The following WDR5 variants were observed in gnomAD, a reference collection of about 807,000 sequenced individuals.
WDR5 encodes the protein WD repeat-containing protein 5.
For missense variants in WDR5, 187 were observed against 416.9 expected (o/e 0.45, Z 4.80); for synonymous variants, 144 against 161.6 (o/e 0.89, Z 0.83).
At chr9:134,146,017 T>G (rs1832180770) in intron 7 of WDR5, among the ~76,000 whole-genome samples, 1 of 151,470 alleles carries the variant, frequency 6.6e-6, no homozygotes, top group Non-Finnish European at 1.5e-5. Context: ...CAGGCTGGAG[T>G]GCAGTGGTGT....
intron 10 of WDR5, 75 bp downstream of exon 10, chr9:134,154,616 C>T (rs1028069003): frequency 9.9e-6 from 15 of 1,518,594 alleles, no homozygotes; most frequent in African/African-American, 1.4e-5. Context: ...CAGCGTGAGC[C>T]TTTGGAGAGC....
At chr9:134,141,906 A>G (rs751022519) in intron 4 of WDR5, 43 bp from the exon 5 acceptor site, 8 of 1,584,878 alleles carry the variant, frequency 5.0e-6, no homozygotes, top group East Asian at 2.2e-5. Context: ...CGATGGTCCT[A>G]TTTTGTCCTG....
intron 7 of WDR5, among the ~76,000 whole-genome samples, chr9:134,143,052 G>A (rs955538993): frequency 1.3e-5 from 2 of 151,882 alleles, no homozygotes; most frequent in Non-Finnish European, 2.9e-5. Flanking sequence ...CAGGAAGGGC[G>A]GCCAGGCTGG....
intron 7 of WDR5, among the ~76,000 whole-genome samples, chr9:134,143,409 C>T (rs897588227): frequency 5.3e-5 from 8 of 152,262 alleles, no homozygotes; most frequent in East Asian, 1.9e-4. Context: ...GACGTGGTGG[C>T]GCGTGCCTGG....
chr9:134,150,651 C>T (rs1832442348), intron 8 of WDR5, among the ~76,000 whole-genome samples: 2 of 152,180 alleles, frequency 1.3e-5, no homozygotes, highest in Admixed American at 6.6e-5. Context: ...TTAAAAGCCA[C>T]CAACACTGCT....
At chr9:134,151,908 T>A in intron 8 of WDR5, 75 bp from the exon 9 acceptor site, 2 of 1,489,328 alleles carry the variant, frequency 1.3e-6, no homozygotes, top group Non-Finnish European at 9.2e-7. Flanking sequence ...TCCTAAAATT[T>A]ATATCTGACT....
chr9:134,140,740 C>G lies in WDR5; in HGVS notation c.119C>G (p.Thr40Ser), dbSNP rs1831841899. Residue 40 changes from threonine to serine, a missense_variant, in exon 3 of 14, where the codon ACC becomes AGC. Thr to Ser is a moderately conservative substitution (Grantham distance 58). Transcript: ENST00000358625. Reference protein sequence around the residue: ...PVKPNYALKFTLAGHTKAVSS... With the variant: ...PVKPNYALKFSLAGHTKAVSS... ...AAGCCAAACTATGCTCTAAAGTTCACCCTTGCTGGCCACACCAAAGCAGTG... is the reference window on the plus strand; with the variant it reads ...AAGCCAAACTATGCTCTAAAGTTCAGCCTTGCTGGCCACACCAAAGCAGTG... 2 of 1,614,212 alleles carry G rather than the reference C, an allele frequency of 1.2e-6. No individual in the cohort carries two copies. The highest frequency in any genetic ancestry group is 1.7e-6 in the Non-Finnish European group (2 of 1,180,036).
rs1186616581 is a variant in WDR5 at position 134,158,070 on chromosome 9, GT to G, written c.*78del. ...CAAGAAACAGGGTGTCTTGGAGGTG[GT>G]CCCCCAGATCTGCGCCTGGGGGTCA... On this transcript the variant is annotated 3_prime_UTR_variant, in exon 14 of 14. Transcript: ENST00000358625. The G allele has an allele frequency of 6.5e-6, 9 of 1,376,576 alleles. No individual in the cohort carries two copies. The African/African-American group carries it at 1.1e-4, about 17-fold the overall frequency. 85.3% of individuals were successfully genotyped at this position (1,376,576 alleles called of 1,614,324 possible).
rs1001941169 is a variant in WDR5, at chr9:134,136,131, C to T, written c.-128C>T. On this transcript the variant is annotated 5_prime_UTR_variant, in exon 1 of 14. Transcript: ENST00000358625. The stretch of plus-strand genomic sequence containing the variant: ...GAGCTGCCGCCTTGTCGAGCTGAGT[C>T]CGCGCTCCCGCCCAGGCGGCGGCCG... 6.8e-6 allele frequency: 1 copy of T among 147,906 alleles called. No homozygotes were observed. The highest frequency in any genetic ancestry group is 1.5e-5 in the Non-Finnish European group (1 of 66,652). 9.2% of individuals were successfully genotyped at this position (147,906 alleles called of 1,614,324 possible).
At chr9:134,141,434 A>C (rs1414041339) in intron 3 of WDR5, 76 bp from the exon 4 acceptor site, 48 of 1,470,318 alleles carry the variant, frequency 3.3e-5, no homozygotes, top group Non-Finnish European at 4.5e-5. Context: ...ATGTGGGAAA[A>C]GCTCAGACTT....
At chr9:134,141,438 C>T in intron 3 of WDR5, 72 bp from the exon 4 acceptor site, 3 of 1,515,730 alleles carry the variant, frequency 2.0e-6, no homozygotes, top group Non-Finnish European at 2.7e-6. Context: ...GGGAAAAGCT[C>T]AGACTTTGGA....
At chr9:134,153,950 G>A (rs895669385) in intron 9 of WDR5, among the ~76,000 whole-genome samples, 1 of 152,334 alleles carries the variant, frequency 6.6e-6, no homozygotes, top group Non-Finnish European at 1.5e-5. Flanking sequence ...GAGAAGCAGC[G>A]GCTCTGCTCT....
Position 134,136,413 on chromosome 9 carries a change from C to CCGCCCCCACTCG in WDR5, c.-59+223_-59+234dup, listed in dbSNP as rs906663084. ...GCGCGCGCAGTTCCCTCCACCCGGT[C>CCGCCCCCACTCG]CGCCCCCACTCGCGCCCCCACCTCC... On this transcript the variant is annotated intron_variant, in intron 1 of 13. Transcript: ENST00000358625. Among the ~76,000 whole-genome samples the CCGCCCCCACTCG allele has an allele frequency of 1.3e-4, 19 of 151,812 alleles. No homozygotes were observed. In the East Asian group the frequency reaches 2.5e-3, roughly 20 times the overall value.
chr9:134,154,321 C>A, intron 9 of WDR5, 145 bp from the exon 10 acceptor site: 1 of 821,062 alleles, frequency 1.2e-6, no homozygotes, highest in South Asian at 1.5e-5. Context: ...CCCTTCGGGG[C>A]GGCGAGGGGT....
At chr9:134,142,559 G>T (rs1831947933) in intron 6 of WDR5, 77 bp from the exon 7 acceptor site, 1 of 1,566,248 alleles carries the variant, frequency 6.4e-7, no homozygotes, top group African/African-American at 1.4e-5. Flanking sequence ...AGGATGGGCT[G>T]ATAGCAGGTC....
At chr9:134,155,918 CG>C in intron 12 of WDR5, 151 bp downstream of exon 12, 1 of 724,422 alleles carries the variant, frequency 1.4e-6, no homozygotes, top group Non-Finnish European at 2.3e-6. Context: ...CGCCAAGTAC[CG>C]GGGACACCTT....
intron 1 of WDR5, among the ~76,000 whole-genome samples, chr9:134,138,171 G>A (rs1261878869): frequency 1.3e-5 from 2 of 152,202 alleles, no homozygotes; most frequent in African/African-American, 4.8e-5. Flanking sequence ...TTGTAAGACC[G>A]CCTATCTGTT....
intron 8 of WDR5, among the ~76,000 whole-genome samples, chr9:134,148,611 C>G (rs1314431999): frequency 6.6e-6 from 1 of 152,084 alleles, no homozygotes; most frequent in African/African-American, 2.4e-5. Context: ...GACTTCAGCT[C>G]CGTGTAGACG....
intron 5 of WDR5, 26 bp downstream of exon 5, chr9:134,142,064 C>T (rs1255471236): frequency 1.2e-6 from 2 of 1,607,806 alleles, no homozygotes; most frequent in East Asian, 2.2e-5. Flanking sequence ...TGCTTCTCTC[C>T]AGGGGAGACC....
Sources: gnomAD v4.1 joint callset for allele counts (sites outside exome capture counted in the v4.1 genomes callset) on GRCh38, gnomAD v4.1.1 for gene constraint, MANE v1.5 for transcripts, NCBI Gene and HGNC (gene_info 2026-07-23, HGNC 2026-07-21) for gene names.